The following KIAA0753 variants were observed in gnomAD, a reference collection of about 807,000 sequenced individuals.
KIAA0753 encodes KIAA0753, also known as protein moonraker.
In KIAA0753, 114 loss-of-function variants were observed where a neutral mutation model predicts 116.9. That is an observed-to-expected ratio of 0.98 (90% CI 0.84 to 1.14). KIAA0753 has a LOEUF of 1.14. KIAA0753 is among the 50% of genes most tolerant of loss of function. KIAA0753 has a pLI of 0.00. For missense variants in KIAA0753, 1,156 were observed against 1,172.4 expected, an observed-to-expected ratio of 0.99 and a Z score of 0.20; for synonymous variants, 405 against 413.1, an observed-to-expected ratio of 0.98 and a Z score of 0.24.
rs775538007 is a variant in KIAA0753, at chr17:6,599,273, C to T, written c.2136G>A (p.Ser712=). 1.2e-5 allele frequency: 19 copies of T among 1,613,732 alleles called. No homozygotes were observed. Among genetic ancestry groups the T allele is most frequent in the Non-Finnish European group, 1.4e-5 (17 of 1,179,810 alleles). Residue 712 remains serine, a synonymous_variant, in exon 14 of 19, where the codon TCG becomes TCA. Coordinates refer to ENST00000361413, the MANE Select transcript of KIAA0753 (RefSeq NM_014804.3). ...GCTGGGCTTTCGCTGTGTTTACTGA[C>T]GAGCCATCTTTCAAATGAATATTTG... ...TEANIHLKDG[S]SVNTAKAQPA...
chr17:6,637,204 G>C (rs1972382079), intron 1 of KIAA0753: 3 of 152,576 alleles, frequency 2.0e-5, no homozygotes, highest in Middle Eastern at 3.4e-3. Flanking sequence ...TGAGGACCCA[G>C]TCACCCACAC....
chr17:6,582,015 T>C (rs1968214105), intron 18 of KIAA0753, among the ~76,000 whole-genome samples: 1 of 152,220 alleles, frequency 6.6e-6, no homozygotes, highest in South Asian at 2.1e-4. Flanking sequence ...TCACTGCTAC[T>C]GGCACCTCTG....
chr17:6,610,839 A>T (rs2150834202), intron 8 of KIAA0753, among the ~76,000 whole-genome samples: 1 of 152,312 alleles, frequency 6.6e-6, no homozygotes, highest in East Asian at 1.9e-4. Context: ...GATTTAAAAA[A>T]TGTTATCGAG....
chr17:6,607,062 T>C, intron 11 of KIAA0753, 100 bp from the exon 12 acceptor site: 2 of 1,409,632 alleles, frequency 1.4e-6, no homozygotes, highest in Non-Finnish European at 2.0e-6. Context: ...CTTAAGTGAC[T>C]TCAGTCTTTT....
intron 3 of KIAA0753, among the ~76,000 whole-genome samples, chr17:6,625,361 T>C (rs1284840554): frequency 2.0e-5 from 3 of 152,090 alleles, no homozygotes; most frequent in East Asian, 3.9e-4. Flanking sequence ...AATAATCAAA[T>C]GTTGAATTCA....
intron 12 of KIAA0753, among the ~76,000 whole-genome samples, chr17:6,605,457 G>A (rs1405625086): frequency 4.6e-5 from 7 of 152,170 alleles, no homozygotes; most frequent in Admixed American, 2.6e-4. Context: ...GTGACCTCCT[G>A]AGAGGGGCAC....
intron 2 of KIAA0753, among the ~76,000 whole-genome samples, chr17:6,629,179 T>G (rs1971871178): frequency 6.6e-6 from 1 of 152,232 alleles, no homozygotes; most frequent in Non-Finnish European, 1.5e-5. Context: ...CAGGTCTTCC[T>G]GAGACTTCAT....
At chr17:6,626,864 C>T (rs1323639121) in intron 3 of KIAA0753, among the ~76,000 whole-genome samples, 2 of 152,144 alleles carry the variant, frequency 1.3e-5, no homozygotes, top group African/African-American at 4.8e-5. Context: ...CTAACAGTTC[C>T]CCGGTATTAG....
In KIAA0753 at chr17:6,595,024, A is replaced by G. The variant is rs537332793; in HGVS notation, c.2388T>C (p.Tyr796=). ...GAGGATCAGCATATGCGATTTTATT[A>G]TATCTTTGACGAACAGACTCCTGGT... ...EKYQESVRQR[Y]NKIAYADPRL... is the part of the protein sequence containing the mutation. Residue 796 remains tyrosine (Y), a synonymous_variant, in exon 16 of 19, where the codon TAT becomes TAC. Transcript: ENST00000361413. The G allele has an allele frequency of 6.2e-7, 1 of 1,612,022 alleles. No homozygotes were observed. Among genetic ancestry groups the G allele is most frequent in the Non-Finnish European group, 8.5e-7 (1 of 1,178,590 alleles).
intron 14 of KIAA0753, among the ~76,000 whole-genome samples, chr17:6,598,963 AC>A (rs1367940019): frequency 6.6e-6 from 1 of 152,246 alleles, no homozygotes; most frequent in Non-Finnish European, 1.5e-5. Context: ...TCAGGGCCAC[AC>A]AGGGCACCCA....
intron 1 of KIAA0753, chr17:6,638,296 G>T (rs903308445): frequency 5.2e-5 from 8 of 152,816 alleles, no homozygotes; most frequent in African/African-American, 1.9e-4. Flanking sequence ...TATTCTGGCA[G>T]CCCGAGTCCT....
intron 13 of KIAA0753, 36 bp downstream of exon 13, chr17:6,600,343 CA>C: frequency 6.5e-7 from 1 of 1,548,668 alleles, no homozygotes. Flanking sequence ...CCAGGACTTC[CA>C]AAAAGCAAGC....
At chr17:6,586,062 T>G (rs1054848421) in intron 18 of KIAA0753, among the ~76,000 whole-genome samples, 15 of 131,224 alleles carry the variant, frequency 1.1e-4, no homozygotes, top group African/African-American at 4.8e-4. Context: ...GCTTTGGTGC[T>G]GTCTTTCTTC....
chr17:6,629,987 T>C (rs1225948217), intron 2 of KIAA0753, among the ~76,000 whole-genome samples: 1 of 152,174 alleles, frequency 6.6e-6, no homozygotes, highest in African/African-American at 2.4e-5. Flanking sequence ...GTAGGCGTGA[T>C]GGCACATGCC....
In KIAA0753 at chr17:6,600,558, C is replaced by T. The variant is rs184312719; in HGVS notation, c.2010-100G>A. 2.4e-5 allele frequency: 20 copies of T among 847,568 alleles called. 1 individual carries two copies. Among genetic ancestry groups the T allele is most frequent in the African/African-American group, 1.4e-4 (8 of 58,542 alleles). The allele number at this position is 847,568 out of a possible 1,614,324, so 52.5% of individuals were successfully genotyped here. A position where few individuals can be genotyped will look rare whatever the true frequency, so the allele number is the denominator to read the frequency against. ...CAGGAGAAGGGAAATAAAATGACCA[C>T]GAGCTTCTCTAACCGTTCATGGCCA... is the stretch of plus-strand genomic sequence containing the variant. On this transcript the variant is annotated intron_variant, in intron 12 of 18. Coordinates refer to ENST00000361413, the MANE Select transcript of KIAA0753 (RefSeq NM_014804.3).
At chr17:6,594,686 T>C (rs952257127) in intron 16 of KIAA0753, among the ~76,000 whole-genome samples, 17 of 152,126 alleles carry the variant, frequency 1.1e-4, no homozygotes, top group African/African-American at 4.1e-4. Flanking sequence ...AAATTTTATC[T>C]TGAAAAAAAG....
chr17:6,604,692 G>T (rs568935766), intron 12 of KIAA0753, among the ~76,000 whole-genome samples: 3 of 152,016 alleles, frequency 2.0e-5, no homozygotes, highest in East Asian at 2.0e-4. Context: ...GGGCTCCTTG[G>T]GGGTGGGAAG....
Position 6,621,002 on chromosome 17 carries a change from C to A in KIAA0753, c.1105-4G>T, listed in dbSNP as rs368641300. On this transcript the variant is annotated splice_region_variant and splice_polypyrimidine_tract_variant and intron_variant, in intron 6 of 18. Transcript: ENST00000361413. ...TTTCCAGGAGAGATTCCAAAGCCTG[C>A]CACAAAAACAATCAATTATTCTCTT... 11 of 1,611,466 alleles carry A rather than the reference C, an allele frequency of 6.8e-6. No individual in the cohort carries two copies. Among genetic ancestry groups the A allele is most frequent in the African/African-American group, 5.3e-5 (4 of 74,788 alleles).
chr17:6,589,987 C>T lies in KIAA0753; in HGVS notation c.2578G>A (p.Val860Met), dbSNP rs1968880570. ...PCNGNSLDES[V>M]GTEEGSEKRE... ...TTCTCTGATCCTTCCTCTGTTCCCA[C>T]ACTTTCATCCAGGGAACTGAGAACA... The change falls in exon 18 of 19, where the codon GTG becomes ATG. Residue 860 changes from valine to methionine, a missense_variant. Transcript: ENST00000361413. 6.4e-7 allele frequency: 1 copy of T among 1,565,152 alleles called. No homozygotes were observed. The highest frequency in any genetic ancestry group is 2.1e-5 in the Admixed American group (1 of 48,426).
Sources: gnomAD v4.1 joint callset for allele counts (sites outside exome capture counted in the v4.1 genomes callset) on GRCh38, gnomAD v4.1.1 for gene constraint, MANE v1.5 for transcripts, NCBI Gene and HGNC (gene_info 2026-07-23, HGNC 2026-07-21) for gene names.